Variants in LRP2 observed in about 807,000 individuals in gnomAD.
The protein encoded by LRP2 is low-density lipoprotein receptor-related protein 2.
LRP2 carries 172 observed loss-of-function variants against 531.0 expected under a neutral mutation model. The ratio of observed to expected loss-of-function variants is 0.32; its 90% CI spans 0.29 to 0.37. LRP2 has a LOEUF of 0.37. Ranked by LOEUF, LRP2 falls within the 10% of genes least tolerant of loss-of-function variation. The probability of loss-of-function intolerance (pLI) is 1.00; values close to 1 mark genes in which losing one functional copy is unlikely to be tolerated. For missense variants in LRP2, 5,167 were observed against 5,868.3 expected, an observed-to-expected ratio of 0.88 and a Z score of 3.90; for synonymous variants, 1,992 against 2,027.6, an observed-to-expected ratio of 0.98 and a Z score of 0.47.
chr2:169,289,161 A>G lies in LRP2; in HGVS notation c.923-16T>C, dbSNP rs776330553. 1 of 1,613,838 alleles carries G rather than the reference A, an allele frequency of 6.2e-7. No individual in the cohort carries two copies. Among genetic ancestry groups the G allele is most frequent in the South Asian group, 1.1e-5 (1 of 91,086 alleles). On this transcript the variant is annotated splice_polypyrimidine_tract_variant and intron_variant, in intron 8 of 78. Coordinates refer to ENST00000649046, the MANE Select transcript of LRP2 (RefSeq NM_004525.3). ...AGAGTCATACCTAAACGAAGAAAAGAACTTTGTTAAATGAATGGTGACCTC... is the reference window on the plus strand; with the variant it reads ...AGAGTCATACCTAAACGAAGAAAAGGACTTTGTTAAATGAATGGTGACCTC...
At chr2:169,244,664 C>G (rs1689936616) in intron 22 of LRP2, 29 bp downstream of exon 22, 1 of 1,613,948 alleles carries the variant, frequency 6.2e-7, no homozygotes, top group South Asian at 1.1e-5. Context: ...CGAGGCTGAC[C>G]AACCAAGGGA....
chr2:169,308,649 T>A (rs1187108581), intron 3 of LRP2, among the ~76,000 whole-genome samples: 1 of 152,228 alleles, frequency 6.6e-6, no homozygotes, highest in East Asian at 1.9e-4. Context: ...TGGTCCCAAG[T>A]CTTTGCTATT....
At position 169,327,872 on chromosome 2, in the gene LRP2, G is replaced by A. The variant is rs1414060326; in HGVS notation, c.80-6988C>T. The stretch of plus-strand genomic sequence containing the variant: ...CTCTGCCCAGCCAGCCGCCCCGTCC[G>A]GGAAGGGAGGTGGGGGGGTCAGCCC... On this transcript the variant is annotated intron_variant, in intron 1 of 78. Transcript: ENST00000649046. Among the ~76,000 whole-genome samples, 4 of 558 alleles carry A rather than the reference G, an allele frequency of 7.2e-3. 1 individual carries two copies. Among genetic ancestry groups the A allele is most frequent in the Admixed American group, 0.031 (3 of 96 alleles). The allele number at this position is 558 out of a possible 152,430, so 0.4% of individuals were successfully genotyped here.
Position 169,167,900 on chromosome 2 carries a change from A to G in LRP2, c.11635+639T>C, listed in dbSNP as rs1025403311. On this transcript the variant is annotated intron_variant, in intron 61 of 78. Coordinates refer to ENST00000649046, the MANE Select transcript of LRP2 (RefSeq NM_004525.3). ...GTATGTGCAGGCTTCATTCTTGGAG[A>G]TTCTGCTCCATCAGGTCTAAGCCTA... 1.6e-4 allele frequency among the ~76,000 whole-genome samples: 24 copies of G among 150,988 alleles called. 1 individual carries two copies. The highest frequency in any genetic ancestry group is 1.2e-4 in the Non-Finnish European group (8 of 67,772).
chr2:169,308,470 G>C (rs932177764), intron 3 of LRP2, among the ~76,000 whole-genome samples: 1 of 152,174 alleles, frequency 6.6e-6, no homozygotes, highest in Non-Finnish European at 1.5e-5. Flanking sequence ...AGAACATGCG[G>C]TGTTTGGTTT....
rs181733536 is a variant in LRP2 at position 169,295,607 on chromosome 2, C to T, written c.428-897G>A. Among the ~76,000 whole-genome samples the T allele has an allele frequency of 7.3e-4, 111 of 152,220 alleles. 1 individual carries two copies. The highest frequency in any genetic ancestry group is 2.6e-3 in the African/African-American group (107 of 41,528). ...TTTCCGCCATGACATAATGAAACTC[C>T]CTGAGATCAAGGATCCTGTCTTACT... On this transcript the variant is annotated intron_variant, in intron 4 of 78. Coordinates refer to ENST00000649046, the MANE Select transcript of LRP2 (RefSeq NM_004525.3).
At chr2:169,140,294 T>C (rs1414597415) in intron 72 of LRP2, among the ~76,000 whole-genome samples, 161 bp downstream of exon 72, 1 of 152,228 alleles carries the variant, frequency 6.6e-6, no homozygotes, top group Non-Finnish European at 1.5e-5. Flanking sequence ...AAGCACTGCC[T>C]CAGTTCTCTG....
intron 24 of LRP2, among the ~76,000 whole-genome samples, chr2:169,241,998 A>T (rs1689824501): frequency 6.6e-6 from 1 of 152,232 alleles, no homozygotes; most frequent in Non-Finnish European, 1.5e-5. Flanking sequence ...AGCCAGCGGC[A>T]ATTGACAGTT....
intron 1 of LRP2, among the ~76,000 whole-genome samples, chr2:169,359,996 G>A (rs536877383): frequency 2.0e-5 from 3 of 151,694 alleles, no homozygotes; most frequent in Admixed American, 1.3e-4. Context: ...ATGGTGCCCC[G>A]GGCTTGTAGT....
At chr2:169,155,681 T>C (rs991132481) in intron 65 of LRP2, among the ~76,000 whole-genome samples, 1 of 55,634 alleles carries the variant, frequency 1.8e-5, no homozygotes, top group Admixed American at 1.9e-4. Flanking sequence ...ATTCTTTCTC[T>C]GTTTTATTAG....
At chr2:169,314,018 T>C (rs889395998) in intron 3 of LRP2, among the ~76,000 whole-genome samples, 1 of 152,228 alleles carries the variant, frequency 6.6e-6, no homozygotes, top group Non-Finnish European at 1.5e-5. Flanking sequence ...GTAGTATAGA[T>C]ATTTAGGTTC....
chr2:169,148,744 T>G (rs893727985), intron 68 of LRP2, among the ~76,000 whole-genome samples: 14 of 152,136 alleles, frequency 9.2e-5, no homozygotes, highest in Non-Finnish European at 1.5e-5. Context: ...GTACACAGAA[T>G]GATTTTTGTT....
rs1463297566 is a variant in LRP2 at position 169,162,525 on chromosome 2, T to C, written c.11834A>G (p.Asn3945Ser). The stretch of plus-strand genomic sequence containing the variant: ...ACAGTCATCGGCATCATCACACACA[T>C]TGTCATGTGGAATGCAATGCCCATT... ...CGNGHCIPHD[N>S]VCDDADDCGD... The change falls in exon 63 of 79, where the codon AAT becomes AGT. Residue 3945 changes from asparagine (N) to serine (S), a missense_variant. Coordinates refer to ENST00000649046, the MANE Select transcript of LRP2 (RefSeq NM_004525.3). The C allele has an allele frequency of 6.2e-7, 1 of 1,614,168 alleles. No homozygotes were observed. Among genetic ancestry groups the C allele is most frequent in the Non-Finnish European group, 8.5e-7 (1 of 1,179,988 alleles).
In LRP2 at chr2:169,236,849, T is replaced by G. The variant is rs1429623475; in HGVS notation, c.4691+254A>C. Among the ~76,000 whole-genome samples the G allele has an allele frequency of 2.6e-5, 4 of 152,170 alleles. No individual in the cohort carries two copies. In the South Asian group the frequency reaches 8.3e-4, roughly 31 times the overall value. ...TTTAATTATATGACATTTCAAAAATTGTATTGCCAAGCTAATAAATCAATG... is the reference window on the plus strand; with the variant it reads ...TTTAATTATATGACATTTCAAAAATGGTATTGCCAAGCTAATAAATCAATG... On this transcript the variant is annotated intron_variant, in intron 28 of 78. Transcript: ENST00000649046.
intron 31 of LRP2, among the ~76,000 whole-genome samples, chr2:169,227,491 A>AT (rs1689244221): frequency 6.6e-6 from 1 of 152,186 alleles, no homozygotes; most frequent in Non-Finnish European, 1.5e-5. Context: ...GGGGTTTTAA[A>AT]ATTCCTCTCT....
chr2:169,161,998 C>T (rs1035346219), intron 63 of LRP2, among the ~76,000 whole-genome samples: 1 of 152,166 alleles, frequency 6.6e-6, no homozygotes, highest in Non-Finnish European at 1.5e-5. Flanking sequence ...CACCCATTAA[C>T]TCATCATTTA....
chr2:169,165,671 A>G (rs554984449), intron 62 of LRP2, among the ~76,000 whole-genome samples: 1 of 152,354 alleles, frequency 6.6e-6, no homozygotes, highest in South Asian at 2.1e-4. Context: ...GAGGAGGGGA[A>G]GGCTTATTAA....
At position 169,239,643 on chromosome 2, in the gene LRP2, T is replaced by C; in HGVS notation, c.4178A>G (p.Glu1393Gly). The part of the protein sequence containing the change: ...NDSKTCEDID[E>G]CDILGSCSQH... Reference sequence around the variant, plus strand: ...GCTACAAGAGCCTAGAATATCACATTCATCTATGTCTTCACAGGTCTTAGA... The same window carrying C: ...GCTACAAGAGCCTAGAATATCACATCCATCTATGTCTTCACAGGTCTTAGA... Residue 1393 changes from glutamate (E) to glycine (G), a missense_variant, in exon 26 of 79, where the codon GAA becomes GGA. Around this residue, in one of 6 missense-constraint regions of LRP2, gnomAD observed 2,811 missense variants for 3,058.0 expected, o/e 0.92. Transcript: ENST00000649046. 6.2e-7 allele frequency: 1 copy of C among 1,614,090 alleles called. No homozygotes were observed. Among genetic ancestry groups the C allele is most frequent in the Non-Finnish European group, 8.5e-7 (1 of 1,179,930 alleles).
chr2:169,247,052 T>C lies in LRP2; in HGVS notation c.2909-66A>G, dbSNP rs1690037328. 2.2e-5 allele frequency: 34 copies of C among 1,572,556 alleles called. No individual in the cohort carries two copies. The South Asian group carries it at 3.8e-4, about 18-fold the overall frequency. On this transcript the variant is annotated intron_variant, in intron 20 of 78. Coordinates refer to ENST00000649046, the MANE Select transcript of LRP2 (RefSeq NM_004525.3). The stretch of plus-strand genomic sequence containing the variant: ...TTCACTAGGTAGGTCACGGGTTTGA[T>C]TTGTGAAGGAAAACAAACAGGACAA...
Sources: gnomAD v4.1 joint callset for allele counts (sites outside exome capture counted in the v4.1 genomes callset) on GRCh38, gnomAD v4.1.1 for gene constraint, gnomAD v4.1.1 regional missense constraint, MANE v1.5 for transcripts, NCBI Gene and HGNC (gene_info 2026-07-23, HGNC 2026-07-21) for gene names.